Variants in LRBA observed in about 807,000 individuals in gnomAD.
The protein encoded by LRBA is LPS responsive beige-like anchor protein.
A neutral mutation model predicts 330.0 loss-of-function variants in LRBA; 176 were observed. That is an observed-to-expected ratio of 0.53 (90% CI 0.47 to 0.60). LRBA has a LOEUF of 0.60. Ranked by LOEUF, LRBA falls within the 20% of genes least tolerant of loss-of-function variation. The pLI is 0.00. For missense variants in LRBA, 3,259 were observed against 3,444.8 expected, an observed-to-expected ratio of 0.95 and a Z score of 1.35; for synonymous variants, 1,230 against 1,193.0, an observed-to-expected ratio of 1.03 and a Z score of -0.64.
At chr4:150,527,743 C>T (rs2152189438) in intron 40 of LRBA, among the ~76,000 whole-genome samples, 1 of 152,314 alleles carries the variant, frequency 6.6e-6, no homozygotes, top group Non-Finnish European at 1.5e-5. Flanking sequence ...ATGTTTCCTA[C>T]ACTTCTTGCC....
At chr4:150,489,506 GAATATAT>G (rs1758565056) in intron 41 of LRBA, among the ~76,000 whole-genome samples, 1 of 33,530 alleles carries the variant, frequency 3.0e-5, no homozygotes, top group African/African-American at 6.4e-5. Context: ...TTATATATAA[GAATATAT>G]AATATATAAG....
chr4:150,702,491 C>A (rs535225171), intron 36 of LRBA, among the ~76,000 whole-genome samples: 50 of 152,250 alleles, frequency 3.3e-4, no homozygotes, highest in African/African-American at 1.1e-3. Context: ...CTAATACTGC[C>A]ATTTTACAAC....
Position 150,905,217 on chromosome 4 carries a change from T to C in LRBA, c.1755+621A>G, listed in dbSNP as rs114766786. Among the ~76,000 whole-genome samples, 1,142 of 152,198 alleles carry C rather than the reference T, an allele frequency of 7.5e-3. 8 individuals carry two copies. The highest frequency in any genetic ancestry group is 0.026 in the African/African-American group (1,071 of 41,546). Reference sequence around the variant, plus strand: ...AACTGAAAAAAAAAATTTGTACAAATGTTTTCATAATTTGAATTAACGTGA... The same window carrying C: ...AACTGAAAAAAAAAATTTGTACAAACGTTTTCATAATTTGAATTAACGTGA... On this transcript the variant is annotated intron_variant, in intron 13 of 56. Coordinates refer to ENST00000651943, the MANE Select transcript of LRBA (RefSeq NM_001364905.1).
chr4:150,827,082 T>C (rs546849851), intron 30 of LRBA, among the ~76,000 whole-genome samples: 1 of 152,034 alleles, frequency 6.6e-6, no homozygotes, highest in Non-Finnish European at 1.5e-5. Flanking sequence ...AACTAACAGA[T>C]ACCACAAGAA....
chr4:150,615,349 A>T (rs529083760), intron 37 of LRBA, among the ~76,000 whole-genome samples: 3 of 152,262 alleles, frequency 2.0e-5, no homozygotes, highest in Admixed American at 2.0e-4. Context: ...TAACGTGATC[A>T]CTCCAGCTCC....
intron 31 of LRBA, among the ~76,000 whole-genome samples, chr4:150,816,374 C>T (rs1744593840): frequency 6.6e-6 from 1 of 151,878 alleles, no homozygotes; most frequent in Non-Finnish European, 1.5e-5. Flanking sequence ...CAGTAACATC[C>T]CTTTTGTTAT....
At chr4:150,350,300 A>C in intron 47 of LRBA, 141 bp from the exon 48 acceptor site, 2 of 622,460 alleles carry the variant, frequency 3.2e-6, no homozygotes, top group East Asian at 3.3e-5. Flanking sequence ...GGCCGGGCGC[A>C]GTGGCTCACG....
chr4:151,004,511 T>C (rs1383820775), intron 2 of LRBA, among the ~76,000 whole-genome samples: 2 of 152,192 alleles, frequency 1.3e-5, no homozygotes, highest in South Asian at 2.1e-4. Flanking sequence ...AATTAAAACT[T>C]ACTAATGGTT....
intron 37 of LRBA, among the ~76,000 whole-genome samples, chr4:150,609,408 C>A (rs577803683): frequency 2.3e-4 from 35 of 152,204 alleles, no homozygotes; most frequent in African/African-American, 8.4e-4. Context: ...ATGAGAGAAG[C>A]CAGATTGGAA....
At chr4:150,438,844 T>C (rs980527519) in intron 44 of LRBA, among the ~76,000 whole-genome samples, 1 of 152,214 alleles carries the variant, frequency 6.6e-6, no homozygotes, top group African/African-American at 2.4e-5. Context: ...AGCTTGGTTT[T>C]AATGAATATT....
chr4:150,357,963 G>C (rs1185693588), intron 47 of LRBA, among the ~76,000 whole-genome samples: 1 of 151,992 alleles, frequency 6.6e-6, no homozygotes, highest in Non-Finnish European at 1.5e-5. Context: ...ACAATTACAG[G>C]AGACAAAAAT....
chr4:150,439,504 TA>T (rs137881403), intron 44 of LRBA, among the ~76,000 whole-genome samples: 248 of 147,770 alleles, frequency 1.7e-3, no homozygotes, highest in African/African-American at 5.3e-3. Flanking sequence ...AAAAGAAAGT[TA>T]AAAAAAAAAG....
intron 40 of LRBA, among the ~76,000 whole-genome samples, chr4:150,496,050 T>C (rs984071575): frequency 1.2e-4 from 18 of 152,188 alleles, no homozygotes; most frequent in Admixed American, 9.8e-4. Context: ...ATTGAATACA[T>C]AGATTATATA....
At chr4:150,498,734 T>C (rs1218612476) in intron 40 of LRBA, among the ~76,000 whole-genome samples, 1 of 152,146 alleles carries the variant, frequency 6.6e-6, no homozygotes, top group Non-Finnish European at 1.5e-5. Context: ...ACAATGTCAA[T>C]ATCATTGTGA....
intron 2 of LRBA, among the ~76,000 whole-genome samples, chr4:150,952,478 G>A (rs150570162): frequency 1.3e-5 from 2 of 152,176 alleles, no homozygotes; most frequent in Non-Finnish European, 2.9e-5. Flanking sequence ...TTTTAAATGA[G>A]CATATACTGC....
intron 5 of LRBA, 52 bp downstream of exon 5, chr4:150,921,146 G>A (rs997686865): frequency 8.2e-6 from 10 of 1,222,120 alleles, no homozygotes; most frequent in East Asian, 2.3e-5. Context: ...GTACTTTCAG[G>A]GAGCAAAGGA....
chr4:150,814,900 T>C (rs1168457170), intron 31 of LRBA, among the ~76,000 whole-genome samples: 1 of 151,996 alleles, frequency 6.6e-6, no homozygotes, highest in Non-Finnish European at 1.5e-5. Flanking sequence ...AATGAATTTA[T>C]TGGAAAAAAT....
At chr4:151,002,275 C>A (rs1743451388) in intron 2 of LRBA, among the ~76,000 whole-genome samples, 2 of 107,764 alleles carry the variant, frequency 1.9e-5, no homozygotes, top group South Asian at 3.4e-4. Flanking sequence ...CAATCAAAAA[C>A]AAATTTACAG....
At chr4:150,931,102 G>A (rs1734445062) in intron 2 of LRBA, among the ~76,000 whole-genome samples, 1 of 151,952 alleles carries the variant, frequency 6.6e-6, no homozygotes, top group Non-Finnish European at 1.5e-5. Context: ...GGTTTTGTTT[G>A]TATTATTTCC....
Sources: gnomAD v4.1 joint callset for allele counts (sites outside exome capture counted in the v4.1 genomes callset) on GRCh38, gnomAD v4.1.1 for gene constraint, MANE v1.5 for transcripts, NCBI Gene and HGNC (gene_info 2026-07-23, HGNC 2026-07-21) for gene names.